VTA1: variants seen among roughly 807,000 people sequenced by gnomAD.
VTA1 encodes vesicle trafficking 1.
Under a neutral mutation model 36.9 loss-of-function variants are expected in VTA1, and 24 were observed. The observed-to-expected ratio is 0.65, with a 90% confidence interval of 0.47 to 0.91. VTA1 has a LOEUF of 0.91. Among genes scored for constraint, VTA1 ranks in the 40% least tolerant of loss-of-function variants. VTA1 has a pLI of 0.00. For synonymous variants in VTA1, 142 were observed against 130.2 expected (o/e 1.09, Z -0.62); for missense variants, 393 against 377.2 (o/e 1.04, Z -0.35).
At chr6:142,165,467 C>A (rs1270965202) in intron 1 of VTA1, among the ~76,000 whole-genome samples, 3 of 152,278 alleles carry the variant, frequency 2.0e-5, no homozygotes, top group Admixed American at 6.5e-5. Context: ...TTTGTTGTTG[C>A]ATTTGTGCAC....
chr6:142,206,795 G>A (rs78487490), intron 7 of VTA1, among the ~76,000 whole-genome samples: 2 of 152,022 alleles, frequency 1.3e-5, no homozygotes, highest in Non-Finnish European at 2.9e-5. Flanking sequence ...TACAGAAAAA[G>A]TCATATGATC....
At position 142,223,777 on chromosome 6, in the gene VTA1, T is replaced by A. The variant is rs1243211026; in HGVS notation, c.*5134T>A. The stretch of plus-strand genomic sequence containing the variant: ...ATTATATACGAGTTACAATAATTCT[T>A]CCTAAAGTCAGGGAAAGCTTCACAG... On this transcript the variant is annotated 3_prime_UTR_variant, in exon 8 of 8. Coordinates refer to ENST00000367630, the MANE Select transcript of VTA1 (RefSeq NM_016485.5). 6.6e-6 allele frequency: 1 copy of A among 152,132 alleles called. No homozygotes were observed. The highest frequency in any genetic ancestry group is 6.6e-5 in the Admixed American group (1 of 15,266). 9.4% of individuals were successfully genotyped at this position (152,132 alleles called of 1,614,324 possible).
intron 4 of VTA1, among the ~76,000 whole-genome samples, chr6:142,188,123 G>C (rs1452625524): frequency 6.6e-6 from 1 of 150,736 alleles, no homozygotes; most frequent in Non-Finnish European, 1.5e-5. Flanking sequence ...TGGCCAGGCT[G>C]GTCTCCAACT....
At chr6:142,158,461 CTAAA>C (rs558736257) in intron 1 of VTA1, among the ~76,000 whole-genome samples, 10 of 152,008 alleles carry the variant, frequency 6.6e-5, no homozygotes, top group African/African-American at 1.2e-4. Flanking sequence ...TTTTATGTGA[CTAAA>C]TGAATACATG....
chr6:142,181,094 A>ATATATATATATATATAT (rs1554219841), intron 4 of VTA1, among the ~76,000 whole-genome samples: 4 of 36,442 alleles, frequency 1.1e-4, no homozygotes, highest in Non-Finnish European at 2.3e-4. Context: ...AAAAAAAAAA[A>ATATATATATATATATAT]ATATATATAT....
At chr6:142,207,009 G>A (rs1373340547) in intron 7 of VTA1, among the ~76,000 whole-genome samples, 1 of 152,152 alleles carries the variant, frequency 6.6e-6, no homozygotes, top group Admixed American at 6.5e-5. Flanking sequence ...AAATGGCAGT[G>A]TAGAAGCATA....
intron 4 of VTA1, among the ~76,000 whole-genome samples, chr6:142,177,104 T>C (rs1775140346): frequency 6.6e-6 from 1 of 152,236 alleles, no homozygotes; most frequent in Admixed American, 6.5e-5. Context: ...TACTGTATCC[T>C]GAAAGTCTCA....
intron 4 of VTA1, among the ~76,000 whole-genome samples, chr6:142,183,529 A>C (rs2114659084): frequency 6.6e-6 from 1 of 152,328 alleles, no homozygotes; most frequent in Non-Finnish European, 1.5e-5. Context: ...CAAAATTTGC[A>C]GTTGTCAGTG....
In VTA1 at chr6:142,219,806, G is replaced by A. The variant is rs1196313706; in HGVS notation, c.*1163G>A. ...CTAAGATGGGAATCTTTAAACACAAGGGTCAGCAAGCTTTGGCCCATGGAT... is the reference window on the plus strand; with the variant it reads ...CTAAGATGGGAATCTTTAAACACAAAGGTCAGCAAGCTTTGGCCCATGGAT... On this transcript the variant is annotated 3_prime_UTR_variant, in exon 8 of 8. Transcript: ENST00000367630. 6.6e-6 allele frequency: 1 copy of A among 152,134 alleles called. No individual in the cohort carries two copies. Among genetic ancestry groups the A allele is most frequent in the Admixed American group, 6.6e-5 (1 of 15,262 alleles). The allele number at this position is 152,134 out of a possible 1,614,324, so 9.4% of individuals were successfully genotyped here. A position where few individuals can be genotyped will look rare whatever the true frequency, so the allele number is the denominator to read the frequency against.
chr6:142,177,935 G>A (rs1041359034), intron 4 of VTA1, among the ~76,000 whole-genome samples: 2 of 152,130 alleles, frequency 1.3e-5, no homozygotes, highest in Admixed American at 6.5e-5. Flanking sequence ...GGGCATTAAT[G>A]TATTATTGCT....
intron 7 of VTA1, among the ~76,000 whole-genome samples, chr6:142,212,030 C>T (rs774613416): frequency 1.6e-4 from 24 of 152,150 alleles, no homozygotes; most frequent in Admixed American, 4.6e-4. Context: ...ATGCTGGTGA[C>T]GATGTGGAAC....
intron 6 of VTA1, among the ~76,000 whole-genome samples, chr6:142,202,577 T>C (rs967696415): frequency 5.3e-5 from 8 of 152,006 alleles, no homozygotes; most frequent in Non-Finnish European, 1.0e-4. Flanking sequence ...AAAACTAAAG[T>C]ATAGTATGCA....
At chr6:142,201,204 T>TA (rs1265588675) in intron 6 of VTA1, among the ~76,000 whole-genome samples, 1 of 151,814 alleles carries the variant, frequency 6.6e-6, no homozygotes, top group Admixed American at 6.6e-5. Context: ...TTTGAAACAG[T>TA]AAAAAAAGTT....
chr6:142,147,642 T>C (rs1778476736), intron 1 of VTA1, among the ~76,000 whole-genome samples: 1 of 152,240 alleles, frequency 6.6e-6, no homozygotes, highest in South Asian at 2.1e-4. Flanking sequence ...CACAGGCTCT[T>C]GAACTGTGGA....
intron 7 of VTA1, among the ~76,000 whole-genome samples, chr6:142,215,889 A>G (rs2114690522): frequency 6.6e-6 from 1 of 152,266 alleles, no homozygotes; most frequent in Middle Eastern, 3.4e-3. Flanking sequence ...TTGCCACTGT[A>G]GTAGAGGATT....
At chr6:142,157,247 A>T (rs572693939) in intron 1 of VTA1, among the ~76,000 whole-genome samples, 1 of 152,372 alleles carries the variant, frequency 6.6e-6, no homozygotes, top group African/African-American at 2.4e-5. Context: ...ATTCATTCAG[A>T]CAAGTTTAAC....
At chr6:142,217,669 G>T (rs1320586515) in intron 7 of VTA1, among the ~76,000 whole-genome samples, 3 of 151,820 alleles carry the variant, frequency 2.0e-5, no homozygotes, top group Non-Finnish European at 4.4e-5. Flanking sequence ...GAAATATGTT[G>T]TCTGCTTGTT....
chr6:142,167,311 C>A (rs1205112919), intron 2 of VTA1, among the ~76,000 whole-genome samples: 1 of 152,098 alleles, frequency 6.6e-6, no homozygotes, highest in East Asian at 1.9e-4. Flanking sequence ...ACTCCTGGAC[C>A]CAGCCATACC....
chr6:142,162,726 T>G (rs225650), intron 1 of VTA1, among the ~76,000 whole-genome samples: 52,885 of 151,960 alleles, frequency 0.35, 10,932 homozygotes, highest in Middle Eastern at 0.53. Flanking sequence ...ATAAAAAATT[T>G]AGAGGTAGAA....
Sources: allele counts gnomAD v4.1 joint callset (sites outside exome capture counted in the v4.1 genomes callset), GRCh38; gene constraint gnomAD v4.1.1; transcripts MANE v1.5; gene names NCBI Gene and HGNC (gene_info 2026-07-23, HGNC 2026-07-21).